MTCH2: variants seen among roughly 807,000 people sequenced by gnomAD.
The protein encoded by MTCH2 is mitochondrial carrier 2.
In MTCH2, 25 loss-of-function variants were observed where a neutral mutation model predicts 50.6. That is an observed-to-expected ratio of 0.49 (90% CI 0.36 to 0.69). The LOEUF (loss-of-function observed/expected upper bound fraction) is 0.69, where lower values mean the gene tolerates loss of function less well. Among genes scored for constraint, MTCH2 ranks in the 30% least tolerant of loss-of-function variants. The probability of loss-of-function intolerance (pLI) is 0.00; values close to 1 mark genes in which losing one functional copy is unlikely to be tolerated. For missense variants in MTCH2, 273 were observed against 384.4 expected (o/e 0.71, Z 2.42); for synonymous variants, 106 against 132.0 (o/e 0.80, Z 1.35).
intron 10 of MTCH2, among the ~76,000 whole-genome samples, chr11:47,626,212 A>G (rs1036517619): frequency 1.3e-5 from 2 of 151,758 alleles, no homozygotes; most frequent in Admixed American, 1.3e-4. Context: ...ATGCCCAGCT[A>G]ATTTTGTAGT....
chr11:47,615,544 T>G (rs1390538182), downstream of MTCH2, among the ~76,000 whole-genome samples: 1 of 151,806 alleles, frequency 6.6e-6, no homozygotes, highest in South Asian at 2.1e-4. Flanking sequence ...ATTTCTAGAA[T>G]AGGAAATTAT....
At position 47,636,172 on chromosome 11, in the gene MTCH2, G is replaced by A. The variant is rs1290726978; in HGVS notation, c.280-601C>T. On this transcript the variant is annotated intron_variant, in intron 3 of 12. Coordinates refer to ENST00000302503, the MANE Select transcript of MTCH2 (RefSeq NM_014342.4). ...GGGAAGGCTGGGTGCGGTAGCTCAC[G>A]CCTATAATCTCAGCACTTTGGGAGG... 2.0e-5 allele frequency among the ~76,000 whole-genome samples: 3 copies of A among 151,830 alleles called. No individual in the cohort carries two copies. The East Asian group carries it at 5.8e-4, about 29-fold the overall frequency.
rs1379169687 is a variant in MTCH2 at position 47,634,669 on chromosome 11, T to C, written c.369+3A>G. The C allele has an allele frequency of 6.2e-7, 1 of 1,607,480 alleles. No individual in the cohort carries two copies. The highest frequency in any genetic ancestry group is 1.7e-5 in the Admixed American group (1 of 59,850). On this transcript the variant is annotated splice_donor_region_variant and intron_variant, in intron 5 of 12. Coordinates refer to ENST00000302503, the MANE Select transcript of MTCH2 (RefSeq NM_014342.4). ...ACAGCACAGGATGTAATTCATCTCT[T>C]ACCTCCTTGATAACGTGGTCAAAGG...
At chr11:47,624,451 C>CA (rs1444040906) in intron 11 of MTCH2, among the ~76,000 whole-genome samples, 1 of 152,138 alleles carries the variant, frequency 6.6e-6, no homozygotes, top group Non-Finnish European at 1.5e-5. Flanking sequence ...TATGGATTGT[C>CA]ATTTAATCCC....
chr11:47,605,898 A>G, the MTCH2 span, among the ~76,000 whole-genome samples: 3 of 152,218 alleles, frequency 2.0e-5, 1 homozygote, highest in Admixed American at 2.0e-4. Context: ...CTTTGTGAAG[A>G]TACCACTTAT....
the MTCH2 span, among the ~76,000 whole-genome samples, chr11:47,610,216 A>G: frequency 3.5e-4 from 54 of 152,186 alleles, no homozygotes; most frequent in Non-Finnish European, 7.2e-4. Context: ...TATGGCAGAA[A>G]TCCAGCTTTG....
At chr11:47,624,726 A>G (rs988563362) in intron 11 of MTCH2, among the ~76,000 whole-genome samples, 1 of 152,170 alleles carries the variant, frequency 6.6e-6, no homozygotes, top group South Asian at 2.1e-4. Flanking sequence ...TGAGCTCAGG[A>G]GTTCAAGGCT....
At chr11:47,605,174 C>T in the MTCH2 span, among the ~76,000 whole-genome samples, 42 of 152,192 alleles carry the variant, frequency 2.8e-4, no homozygotes, top group Non-Finnish European at 5.6e-4. Context: ...GTGATCCGCC[C>T]GCCTCGGCCT....
chr11:47,611,212 C>T, the MTCH2 span, among the ~76,000 whole-genome samples: 9 of 152,230 alleles, frequency 5.9e-5, no homozygotes, highest in African/African-American at 2.2e-4. Flanking sequence ...CCAAGCTACT[C>T]ACTTAATGAC....
rs34382888 is a variant in MTCH2 at position 47,632,357 on chromosome 11, A to ATT, written c.370-648_370-647dup. Reference sequence around the variant, plus strand: ...AAGCAGGTCTACCATTGGCTTTTGCATTTTTTTTTTTTTTTTAGGACAGTC... The same window carrying ATT: ...AAGCAGGTCTACCATTGGCTTTTGCATTTTTTTTTTTTTTTTTTAGGACAGTC... On this transcript the variant is annotated intron_variant, in intron 5 of 12. Transcript: ENST00000302503. Among the ~76,000 whole-genome samples the ATT allele has an allele frequency of 4.5e-3, 623 of 138,628 alleles. 5 individuals carry two copies. The highest frequency in any genetic ancestry group is 0.016 in the African/African-American group (599 of 37,982). The allele number at this position is 138,628 out of a possible 152,430, so 90.9% of individuals were successfully genotyped here. A position where few individuals can be genotyped will look rare whatever the true frequency, so the allele number is the denominator to read the frequency against.
chr11:47,612,204 G>A, the MTCH2 span, among the ~76,000 whole-genome samples: 2 of 152,090 alleles, frequency 1.3e-5, no homozygotes, highest in Admixed American at 6.6e-5. Flanking sequence ...GCTTGAGTCC[G>A]GGAGTTCAAG....
chr11:47,631,362 T>C lies in MTCH2; in HGVS notation c.428-275A>G, dbSNP rs570090577. Reference sequence around the variant, plus strand: ...AGGCTGAGGTTGCAGTGAGCCAAGATTGTGCCATTGCACTCCAGCCTGGGC... The same window carrying C: ...AGGCTGAGGTTGCAGTGAGCCAAGACTGTGCCATTGCACTCCAGCCTGGGC... On this transcript the variant is annotated intron_variant, in intron 6 of 12. Transcript: ENST00000302503. Among the ~76,000 whole-genome samples the C allele has an allele frequency of 7.9e-5, 12 of 152,252 alleles. No individual in the cohort carries two copies. The South Asian group carries it at 8.3e-4, about 11-fold the overall frequency.
chr11:47,615,899 C>G (rs2153797714), downstream of MTCH2, among the ~76,000 whole-genome samples: 1 of 152,236 alleles, frequency 6.6e-6, no homozygotes, highest in South Asian at 2.1e-4. Context: ...GCTGGGATTA[C>G]TAAGGTTGCT....
At position 47,642,347 on chromosome 11, in the gene MTCH2, C is replaced by A. The variant is rs1358388959; in HGVS notation, c.87+32G>T. The A allele has an allele frequency of 3.5e-6, 5 of 1,423,342 alleles. No homozygotes were observed. The East Asian group carries it at 1.4e-4, about 40-fold the overall frequency. The allele number at this position is 1,423,342 out of a possible 1,614,324, so 88.2% of individuals were successfully genotyped here. On this transcript the variant is annotated intron_variant, in intron 1 of 12. Coordinates refer to ENST00000302503, the MANE Select transcript of MTCH2 (RefSeq NM_014342.4). ...GAGCAGCAGCGACCGAACGGGGCGC[C>A]GGGCGGGGTAGGGAGCGGCGACGCC... is the stretch of plus-strand genomic sequence containing the variant.
chr11:47,625,490 A>G (rs537592075), intron 11 of MTCH2, among the ~76,000 whole-genome samples, 184 bp downstream of exon 11: 1 of 152,096 alleles, frequency 6.6e-6, no homozygotes, highest in South Asian at 2.1e-4. Flanking sequence ...TGCATAGGGC[A>G]TACAAAGAAA....
chr11:47,640,288 C>T (rs2097312864), intron 1 of MTCH2, among the ~76,000 whole-genome samples: 1 of 152,148 alleles, frequency 6.6e-6, no homozygotes, highest in Non-Finnish European at 1.5e-5. Context: ...GAGATTGTGC[C>T]ATTGCATGCC....
intron 3 of MTCH2, 100 bp from the exon 4 acceptor site, chr11:47,635,671 GT>G (rs1217122156): frequency 1.6e-5 from 18 of 1,104,776 alleles, no homozygotes; most frequent in Admixed American, 1.0e-4. Flanking sequence ...ATTAGCTGAA[GT>G]TTTTTTTAAA....
At chr11:47,632,446 C>T (rs1202484017) in intron 5 of MTCH2, among the ~76,000 whole-genome samples, 3 of 151,690 alleles carry the variant, frequency 2.0e-5, no homozygotes, top group Non-Finnish European at 2.9e-5. Context: ...CTCCGCCTCC[C>T]GGGTTCACGC....
At chr11:47,630,358 TTCTA>T (rs2097301911) in intron 8 of MTCH2, among the ~76,000 whole-genome samples, 193 bp downstream of exon 8, 1 of 152,118 alleles carries the variant, frequency 6.6e-6, no homozygotes, top group Non-Finnish European at 1.5e-5. Flanking sequence ...TACAAGATAA[TTCTA>T]GTCATATGGG....
Sources: allele counts gnomAD v4.1 joint callset (sites outside exome capture counted in the v4.1 genomes callset), GRCh38; gene constraint gnomAD v4.1.1; transcripts MANE v1.5; gene names NCBI Gene and HGNC (gene_info 2026-07-23, HGNC 2026-07-21).